The following DAG1 variants were observed in gnomAD, a reference collection of about 807,000 sequenced individuals.
DAG1 encodes dystroglycan 1.
DAG1 carries 8 observed loss-of-function variants against 46.1 expected under a neutral mutation model. The ratio of observed to expected loss-of-function variants is 0.17; its 90% CI spans 0.10 to 0.31. DAG1 has a LOEUF of 0.31. Ranked by LOEUF, DAG1 falls within the 10% of genes least tolerant of loss-of-function variation. The pLI, the probability that DAG1 is intolerant of heterozygous loss-of-function variation, is 1.00. For synonymous variants in DAG1, 495 were observed against 481.8 expected (o/e 1.03, Z -0.36); for missense variants, 1,003 against 1,189.9 (o/e 0.84, Z 2.31).
At chr3:49,522,877 A>G (rs2051072716) in intron 2 of DAG1, among the ~76,000 whole-genome samples, 1 of 152,150 alleles carries the variant, frequency 6.6e-6, no homozygotes, top group Admixed American at 6.6e-5. Context: ...TGCCTCCTGC[A>G]GATGTGCCTA....
At chr3:49,483,470 C>T (rs1365297719) in intron 1 of DAG1, among the ~76,000 whole-genome samples, 1 of 152,054 alleles carries the variant, frequency 6.6e-6, no homozygotes, top group Non-Finnish European at 1.5e-5. Context: ...TTCTAAAGTG[C>T]TGGGATTACA....
Position 49,493,868 on chromosome 3 carries a change from A to T in DAG1, c.-116-16551A>T, listed in dbSNP as rs142243040. ...TAGTGTTGGCCTGGCCCACCATTTC[A>T]CTGGTCATAGAATGGCTGTAGCTTT... On this transcript the variant is annotated intron_variant, in intron 1 of 2. Coordinates refer to ENST00000308775, the MANE Select transcript of DAG1 (RefSeq NM_004393.6). Among the ~76,000 whole-genome samples the T allele has an allele frequency of 9.6e-3, 1,456 of 152,310 alleles. 23 individuals are homozygous for T. The highest frequency in any genetic ancestry group is 0.033 in the African/African-American group (1,384 of 41,570).
intron 1 of DAG1, among the ~76,000 whole-genome samples, chr3:49,476,135 T>G (rs915129609): frequency 5.9e-5 from 9 of 152,200 alleles, no homozygotes; most frequent in Non-Finnish European, 8.8e-5. Context: ...TGTTCTGTGT[T>G]GAAGTGGTTA....
intron 1 of DAG1, among the ~76,000 whole-genome samples, chr3:49,509,602 A>C (rs2050707129): frequency 6.6e-6 from 1 of 152,190 alleles, no homozygotes; most frequent in Non-Finnish European, 1.5e-5. Flanking sequence ...TGTAAATTGG[A>C]AGTTAGGTCT....
At position 49,534,187 on chromosome 3, in the gene DAG1, GT is replaced by G. The variant is rs941476082; in HGVS notation, c.*999del. The G allele has an allele frequency of 2.6e-4, 38 of 147,718 alleles. No individual in the cohort carries two copies. Among genetic ancestry groups the G allele is most frequent in the South Asian group, 4.3e-4 (2 of 4,636 alleles). The allele number at this position is 147,718 out of a possible 1,614,324, so 9.2% of individuals were successfully genotyped here. On this transcript the variant is annotated 3_prime_UTR_variant, in exon 3 of 3. Transcript: ENST00000308775. ...TTGTTTTACCCTTTTTCTGTGCATT[GT>G]TTTTTTTTTTCCTCCTAAAAGGAAT...
At chr3:49,490,011 G>C (rs1014709621) in intron 1 of DAG1, among the ~76,000 whole-genome samples, 1 of 152,164 alleles carries the variant, frequency 6.6e-6, no homozygotes, top group Non-Finnish European at 1.5e-5. Context: ...TGGACGTCCT[G>C]AGAGGGGGCT....
chr3:49,521,913 G>A (rs1172581831), intron 2 of DAG1, among the ~76,000 whole-genome samples: 3 of 151,916 alleles, frequency 2.0e-5, no homozygotes, highest in Non-Finnish European at 4.4e-5. Flanking sequence ...GCGGTGGCAC[G>A]ATCTTGGCTC....
At chr3:49,499,369 C>T (rs1471664724) in intron 1 of DAG1, among the ~76,000 whole-genome samples, 2 of 152,152 alleles carry the variant, frequency 1.3e-5, no homozygotes, top group Non-Finnish European at 1.5e-5. Context: ...AGCCACTGCA[C>T]ACTAGCCTGG....
intron 2 of DAG1, among the ~76,000 whole-genome samples, chr3:49,528,274 G>GTTTT (rs1559575548): frequency 3.3e-5 from 2 of 60,362 alleles, no homozygotes; most frequent in Non-Finnish European, 6.9e-5. Context: ...GAAATAGTGT[G>GTTTT]ATTTTTTTTT....
intron 1 of DAG1, among the ~76,000 whole-genome samples, chr3:49,507,561 CAAAT>C (rs768537081): frequency 9.9e-5 from 15 of 151,926 alleles, no homozygotes; most frequent in African/African-American, 2.7e-4. Flanking sequence ...GGCTCCATCT[CAAAT>C]AAATAAATAA....
At chr3:49,473,098 G>A (rs1412974911) in intron 1 of DAG1, among the ~76,000 whole-genome samples, 3 of 150,058 alleles carry the variant, frequency 2.0e-5, no homozygotes, top group African/African-American at 4.9e-5. Context: ...AGCAAAACTC[G>A]GTCTCAAAAA....
intron 1 of DAG1, among the ~76,000 whole-genome samples, chr3:49,485,255 G>A (rs923863403): frequency 4.0e-5 from 6 of 151,286 alleles, no homozygotes; most frequent in Non-Finnish European, 8.8e-5. Flanking sequence ...GATTACAGGC[G>A]TGAGCCACCG....
Position 49,533,313 on chromosome 3 carries a change from C to G in DAG1, c.*114C>G, listed in dbSNP as rs1461944240. 6.8e-6 allele frequency: 10 copies of G among 1,463,468 alleles called. No individual in the cohort carries two copies. Among genetic ancestry groups the G allele is most frequent in the South Asian group, 1.2e-5 (1 of 83,146 alleles). 90.7% of individuals were successfully genotyped at this position (1,463,468 alleles called of 1,614,324 possible). On this transcript the variant is annotated 3_prime_UTR_variant, in exon 3 of 3. Coordinates refer to ENST00000308775, the MANE Select transcript of DAG1 (RefSeq NM_004393.6). ...TGCCCACCGGGAGCCGACACCTGAC[C>G]TAGCACACACTGACACAGGGGCCTG...
At chr3:49,474,043 A>T (rs992178989) in intron 1 of DAG1, among the ~76,000 whole-genome samples, 1 of 149,302 alleles carries the variant, frequency 6.7e-6, no homozygotes, top group Non-Finnish European at 1.5e-5. Context: ...GCACGCCATC[A>T]CTCCTGGCTA....
chr3:49,471,463 A>G (rs1041918976), intron 1 of DAG1, among the ~76,000 whole-genome samples: 5 of 152,224 alleles, frequency 3.3e-5, no homozygotes, highest in African/African-American at 1.2e-4. Context: ...CTAAAAAAGA[A>G]TTCAACCGTA....
At chr3:49,517,837 C>G (rs2050937047) in intron 2 of DAG1, among the ~76,000 whole-genome samples, 3 of 152,180 alleles carry the variant, frequency 2.0e-5, no homozygotes, top group African/African-American at 7.2e-5. Flanking sequence ...TGTGATAAAG[C>G]ATTAACAGAG....
intron 2 of DAG1, among the ~76,000 whole-genome samples, chr3:49,529,219 A>T (rs2051276534): frequency 6.6e-6 from 1 of 151,836 alleles, no homozygotes; most frequent in Non-Finnish European, 1.5e-5. Flanking sequence ...TGAAATAGAG[A>T]TGGGGGTCTC....
Position 49,510,810 on chromosome 3 carries a change from TATC to T in DAG1, c.281_283del (p.Ile94del). 1 of 1,614,166 alleles carries T rather than the reference TATC, an allele frequency of 6.2e-7. No homozygotes were observed. Among genetic ancestry groups the T allele is most frequent in the Non-Finnish European group, 8.5e-7 (1 of 1,180,020 alleles). The stretch of plus-strand genomic sequence containing the variant: ...CAGATTTGATTGCCTCCAGTGGAGA[TATC>T]ATCAAGGTGAGACTGGATATAAAGC... On this transcript the variant is annotated inframe_deletion, in exon 2 of 3. Transcript: ENST00000308775.
chr3:49,526,023 G>C (rs34196454), intron 2 of DAG1, among the ~76,000 whole-genome samples: 1 of 151,374 alleles, frequency 6.6e-6, no homozygotes, highest in Non-Finnish European at 1.5e-5. Context: ...GCTAATTTTC[G>C]TATTTTTAGT....
Sources: allele counts gnomAD v4.1 joint callset (sites outside exome capture counted in the v4.1 genomes callset), GRCh38; gene constraint gnomAD v4.1.1; transcripts MANE v1.5; gene names NCBI Gene and HGNC (gene_info 2026-07-23, HGNC 2026-07-21).